SMURF1: variants seen among roughly 807,000 people sequenced by gnomAD.
SMURF1 encodes the protein SMAD specific E3 ubiquitin protein ligase 1.
A neutral mutation model predicts 98.0 loss-of-function variants in SMURF1; 44 were observed. The observed-to-expected ratio is 0.45, with a 90% confidence interval of 0.35 to 0.58. SMURF1 has a LOEUF of 0.58. Ranked by LOEUF, SMURF1 falls within the 20% of genes least tolerant of loss-of-function variation. The pLI, the probability that SMURF1 is intolerant of heterozygous loss-of-function variation, is 0.00. For missense variants in SMURF1, 687 were observed against 938.4 expected (o/e 0.73, Z 3.50); for synonymous variants, 396 against 374.9 (o/e 1.06, Z -0.65).
At chr7:99,126,545 A>C (rs1797750139) in intron 1 of SMURF1, among the ~76,000 whole-genome samples, 1 of 152,076 alleles carries the variant, frequency 6.6e-6, no homozygotes, top group Non-Finnish European at 1.5e-5. Flanking sequence ...AGTCCCAGCT[A>C]CTCGGAGGTT....
intron 3 of SMURF1, among the ~76,000 whole-genome samples, chr7:99,058,086 G>A (rs1795928968): frequency 6.6e-6 from 1 of 152,024 alleles, no homozygotes; most frequent in Non-Finnish European, 1.5e-5. Flanking sequence ...ACCACACGAT[G>A]ATAATAATCT....
At chr7:99,096,194 G>C (rs1796952486) in intron 1 of SMURF1, among the ~76,000 whole-genome samples, 1 of 152,102 alleles carries the variant, frequency 6.6e-6, no homozygotes, top group Non-Finnish European at 1.5e-5. Flanking sequence ...CACCAACCAG[G>C]CTCCAGGTGG....
chr7:99,058,006 G>T (rs1479422312), intron 3 of SMURF1, among the ~76,000 whole-genome samples: 1 of 152,104 alleles, frequency 6.6e-6, no homozygotes, highest in African/African-American at 2.4e-5. Context: ...TAATAAATAC[G>T]TATCCATTAA....
chr7:99,137,871 T>A (rs1798029179), intron 1 of SMURF1, among the ~76,000 whole-genome samples: 1 of 152,234 alleles, frequency 6.6e-6, no homozygotes, highest in Non-Finnish European at 1.5e-5. Flanking sequence ...TTAAATTGCA[T>A]CTGGAGACAA....
At chr7:99,048,185 C>G in intron 9 of SMURF1, 4 of 345,962 alleles carry the variant, frequency 1.2e-5, no homozygotes, top group South Asian at 7.6e-5. Flanking sequence ...GTCAGGAGTT[C>G]GAGACCAGCC....
At chr7:99,087,072 CA>C (rs1040520036) in intron 1 of SMURF1, among the ~76,000 whole-genome samples, 10 of 151,608 alleles carry the variant, frequency 6.6e-5, no homozygotes, top group Non-Finnish European at 1.2e-4. Flanking sequence ...AATTTCATCT[CA>C]AAAAAAATTA....
chr7:99,057,605 GTT>G (rs548576398), intron 3 of SMURF1, 54 bp from the exon 4 acceptor site: 755 of 1,098,632 alleles, frequency 6.9e-4, no homozygotes, highest in Admixed American at 2.5e-3. Flanking sequence ...TTTTTGTTTT[GTT>G]TTTTTTTTTT....
chr7:99,102,467 CT>C (rs1206083007), intron 1 of SMURF1, among the ~76,000 whole-genome samples: 1 of 152,150 alleles, frequency 6.6e-6, no homozygotes, highest in African/African-American at 2.4e-5. Flanking sequence ...CTTAATATAG[CT>C]GTTTAAAAAA....
At chr7:99,061,066 C>A (rs1030994810) in intron 2 of SMURF1, among the ~76,000 whole-genome samples, 6 of 152,136 alleles carry the variant, frequency 3.9e-5, no homozygotes, top group Non-Finnish European at 7.3e-5. Flanking sequence ...ATTCACCAGG[C>A]CTTAATTCGG....
chr7:99,106,504 G>A (rs543443413), intron 1 of SMURF1, among the ~76,000 whole-genome samples: 5 of 152,178 alleles, frequency 3.3e-5, no homozygotes, highest in African/African-American at 4.8e-5. Context: ...GGTAAATACT[G>A]GGAACACAAG....
intron 1 of SMURF1, among the ~76,000 whole-genome samples, chr7:99,074,712 A>T (rs185517672): frequency 6.5e-4 from 98 of 151,102 alleles, no homozygotes; most frequent in African/African-American, 2.2e-3. Flanking sequence ...ACTCAATTTA[A>T]AAAAAAAACC....
chr7:99,041,120 G>A (rs1440923900), intron 12 of SMURF1, among the ~76,000 whole-genome samples: 1 of 152,208 alleles, frequency 6.6e-6, no homozygotes, highest in Non-Finnish European at 1.5e-5. Flanking sequence ...AACAATCCTA[G>A]GCCGGGCATG....
chr7:99,099,690 G>A (rs903167305), intron 1 of SMURF1, among the ~76,000 whole-genome samples: 3 of 152,122 alleles, frequency 2.0e-5, no homozygotes, highest in Admixed American at 1.3e-4. Flanking sequence ...GCCTTCCCAC[G>A]GGAGTGAGTT....
chr7:99,088,984 T>G, intron 1 of SMURF1, among the ~76,000 whole-genome samples: 1 of 152,082 alleles, frequency 6.6e-6, no homozygotes, highest in East Asian at 1.9e-4. Context: ...GGCGGGCAGA[T>G]CACAAGGTCA....
intron 1 of SMURF1, among the ~76,000 whole-genome samples, chr7:99,126,620 A>C (rs975898988): frequency 6.6e-6 from 1 of 152,188 alleles, no homozygotes; most frequent in African/African-American, 2.4e-5. Flanking sequence ...GCGCCATTGC[A>C]CTCCAGCCTG....
At chr7:99,135,509 G>A (rs1320315937) in intron 1 of SMURF1, among the ~76,000 whole-genome samples, 1 of 151,990 alleles carries the variant, frequency 6.6e-6, no homozygotes, top group Non-Finnish European at 1.5e-5. Context: ...ACTAGCCTCT[G>A]TTTTGAATCA....
chr7:99,039,147 T>C (rs1795269362), intron 13 of SMURF1, among the ~76,000 whole-genome samples: 1 of 134,288 alleles, frequency 7.4e-6, no homozygotes. Context: ...GAGCCGATAA[T>C]TGAGCCACTG....
intron 3 of SMURF1, among the ~76,000 whole-genome samples, chr7:99,058,183 G>A (rs1347362022): frequency 6.6e-6 from 1 of 151,988 alleles, no homozygotes; most frequent in Non-Finnish European, 1.5e-5. Context: ...CCAGGCCGGA[G>A]TGCAATGGCG....
At chr7:99,115,585 G>T (rs10262933) in intron 1 of SMURF1, among the ~76,000 whole-genome samples, 108,916 of 151,924 alleles carry the variant, frequency 0.72, 44,232 homozygotes, top group South Asian at 0.92. Flanking sequence ...TTGAAAGAAA[G>T]AGAGAGAAAG....
Sources: gnomAD v4.1 joint callset for allele counts (sites outside exome capture counted in the v4.1 genomes callset) on GRCh38, gnomAD v4.1.1 for gene constraint, MANE v1.5 for transcripts, NCBI Gene and HGNC (gene_info 2026-07-23, HGNC 2026-07-21) for gene names.